The following FRMD5 variants were observed in gnomAD, a reference collection of about 807,000 sequenced individuals.
The protein encoded by FRMD5 is FERM domain-containing protein 5.
Under a neutral mutation model 69.0 loss-of-function variants are expected in FRMD5, and 20 were observed. The observed-to-expected ratio is 0.29, with a 90% CI of 0.20 to 0.42. The LOEUF is 0.42. Ranked by LOEUF, FRMD5 falls within the 10% of genes least tolerant of loss-of-function variation. The pLI is 1.00. For missense variants in FRMD5, 595 were observed against 708.6 expected (o/e 0.84, Z 1.82); for synonymous variants, 271 against 260.1 (o/e 1.04, Z -0.40).
chr15:44,117,689 A>G (rs2076888787), intron 1 of FRMD5, among the ~76,000 whole-genome samples: 1 of 152,196 alleles, frequency 6.6e-6, no homozygotes, highest in African/African-American at 2.4e-5. Context: ...TTCTGCAGAG[A>G]TGGCCCACCT....
chr15:44,066,893 C>T (rs1328762737), intron 1 of FRMD5, among the ~76,000 whole-genome samples: 1 of 152,020 alleles, frequency 6.6e-6, no homozygotes, highest in African/African-American at 2.4e-5. Context: ...TTGGGCAAAG[C>T]TCCCCCTCAG....
chr15:43,933,339 C>A (rs559175473), intron 1 of FRMD5, among the ~76,000 whole-genome samples: 2 of 152,182 alleles, frequency 1.3e-5, no homozygotes, highest in East Asian at 1.9e-4. Context: ...TACCATACTC[C>A]GGACCATTGG....
intron 1 of FRMD5, among the ~76,000 whole-genome samples, chr15:43,962,964 C>CGTAGGCAATACCATTCAGGAT (rs1555388584): frequency 6.6e-6 from 1 of 152,172 alleles, no homozygotes; most frequent in Non-Finnish European, 1.5e-5. Context: ...TAGAAGAAAA[C>CGTAGGCAATACCATTCAGGAT]GTAGGCAATA....
chr15:44,066,604 T>C (rs1340782168), intron 1 of FRMD5, among the ~76,000 whole-genome samples: 1 of 152,124 alleles, frequency 6.6e-6, no homozygotes, highest in Non-Finnish European at 1.5e-5. Context: ...AGAGAACATG[T>C]TATGAAGGGC....
intron 1 of FRMD5, among the ~76,000 whole-genome samples, chr15:44,135,547 G>T (rs374796423): frequency 6.6e-6 from 1 of 152,114 alleles, no homozygotes; most frequent in Non-Finnish European, 1.5e-5. Context: ...TACAAATTGG[G>T]TCAGGCATGG....
chr15:44,033,983 G>A (rs1891800253), intron 1 of FRMD5, among the ~76,000 whole-genome samples: 1 of 152,148 alleles, frequency 6.6e-6, no homozygotes, highest in Non-Finnish European at 1.5e-5. Context: ...TTCCCATGAA[G>A]CATTTATACA....
In FRMD5 at chr15:44,123,242, G is replaced by A. The variant is rs576779126; in HGVS notation, c.102+71711C>T. Among the ~76,000 whole-genome samples the A allele has an allele frequency of 3.3e-5, 5 of 151,810 alleles. No individual in the cohort carries two copies. In the East Asian group the frequency reaches 9.8e-4, roughly 30 times the overall value. ...CACCAATAATCTCAGTTACTCTGGA[G>A]GCTGAGACAGGAGAATCACTTGAAC... On this transcript the variant is annotated intron_variant, in intron 1 of 13. Coordinates refer to ENST00000417257, the MANE Select transcript of FRMD5 (RefSeq NM_032892.5).
intron 1 of FRMD5, among the ~76,000 whole-genome samples, chr15:44,142,394 C>T (rs2077287122): frequency 6.6e-6 from 1 of 152,154 alleles, no homozygotes; most frequent in African/African-American, 2.4e-5. Context: ...TTAGTGAACA[C>T]ATGGTAGCAT....
chr15:44,077,101 T>C (rs1595698159), intron 1 of FRMD5, among the ~76,000 whole-genome samples: 1 of 152,078 alleles, frequency 6.6e-6, no homozygotes, highest in South Asian at 2.1e-4. Flanking sequence ...TCTTGGAACA[T>C]TTTCCCTGGG....
intron 1 of FRMD5, among the ~76,000 whole-genome samples, chr15:44,043,177 G>T (rs991020624): frequency 6.6e-6 from 1 of 152,148 alleles, no homozygotes; most frequent in Admixed American, 6.5e-5. Context: ...ATTCACTATT[G>T]CTACAAAGAG....
chr15:43,992,157 A>G (rs999303920), intron 1 of FRMD5, among the ~76,000 whole-genome samples: 1 of 152,202 alleles, frequency 6.6e-6, no homozygotes, highest in Admixed American at 6.5e-5. Context: ...TCACAGCAGA[A>G]ATGAAATTTG....
intron 8 of FRMD5, 113 bp from the exon 9 acceptor site, chr15:43,888,985 T>G: frequency 1.2e-6 from 1 of 855,630 alleles, no homozygotes; most frequent in South Asian, 1.5e-5. Context: ...ACAGACACAA[T>G]TTTAGCCAAA....
intron 4 of FRMD5, among the ~76,000 whole-genome samples, chr15:43,914,316 G>A (rs1264672171): frequency 6.6e-6 from 1 of 152,102 alleles, no homozygotes; most frequent in African/African-American, 2.4e-5. Context: ...TTTGCCACTG[G>A]CTTCCCCTAT....
intron 6 of FRMD5, among the ~76,000 whole-genome samples, chr15:43,902,881 G>C (rs761632027): frequency 3.3e-5 from 5 of 152,086 alleles, no homozygotes; most frequent in African/African-American, 7.2e-5. Flanking sequence ...ATAAAGAAGG[G>C]GCTCATATAG....
chr15:43,965,178 A>G (rs2090272806), intron 1 of FRMD5, among the ~76,000 whole-genome samples: 1 of 152,214 alleles, frequency 6.6e-6, no homozygotes, highest in South Asian at 2.1e-4. Context: ...GTACAGAGGC[A>G]GGGCTTGAAG....
chr15:44,078,673 C>G (rs781329503), intron 1 of FRMD5, among the ~76,000 whole-genome samples: 1 of 152,028 alleles, frequency 6.6e-6, no homozygotes, highest in Non-Finnish European at 1.5e-5. Flanking sequence ...AACAAGAATG[C>G]CAAGACCATT....
intron 1 of FRMD5, among the ~76,000 whole-genome samples, chr15:43,980,733 C>T (rs533925479): frequency 7.9e-5 from 12 of 151,904 alleles, no homozygotes; most frequent in Non-Finnish European, 1.6e-4. Flanking sequence ...CCTAGGAGAC[C>T]GAAAATACAT....
At chr15:44,043,628 A>G (rs1335326711) in intron 1 of FRMD5, among the ~76,000 whole-genome samples, 1 of 152,212 alleles carries the variant, frequency 6.6e-6, no homozygotes, top group Non-Finnish European at 1.5e-5. Flanking sequence ...CCACATGTCC[A>G]CAACCATGTG....
intron 1 of FRMD5, among the ~76,000 whole-genome samples, chr15:44,062,214 A>C (rs1893117282): frequency 6.6e-6 from 1 of 152,158 alleles, no homozygotes; most frequent in South Asian, 2.1e-4. Flanking sequence ...GGCAGCAATA[A>C]ACTTTAAAAA....
Sources: allele counts gnomAD v4.1 joint callset (sites outside exome capture counted in the v4.1 genomes callset), GRCh38; gene constraint gnomAD v4.1.1; transcripts MANE v1.5; gene names NCBI Gene and HGNC (gene_info 2026-07-23, HGNC 2026-07-21).